The following PCCA variants were observed in gnomAD, a reference collection of about 807,000 sequenced individuals.
The protein encoded by PCCA is propionyl-CoA carboxylase alpha chain, mitochondrial.
PCCA carries 74 observed loss-of-function variants against 101.3 expected under a neutral mutation model. The observed-to-expected ratio is 0.73, with a 90% CI of 0.61 to 0.89. PCCA has a LOEUF of 0.89. Among genes scored for constraint, PCCA ranks in the 40% least tolerant of loss-of-function variants. PCCA has a pLI of 0.00. For missense variants in PCCA, 891 were observed against 907.0 expected, an observed-to-expected ratio of 0.98 and a Z score of 0.23; for synonymous variants, 294 against 313.6, an observed-to-expected ratio of 0.94 and a Z score of 0.66.
chr13:100,359,715 A>G (rs1398574528), intron 18 of PCCA, among the ~76,000 whole-genome samples: 2 of 152,242 alleles, frequency 1.3e-5, no homozygotes, highest in African/African-American at 4.8e-5. Flanking sequence ...CTGCCATACA[A>G]TGAATAAAAC....
intron 12 of PCCA, among the ~76,000 whole-genome samples, chr13:100,289,340 G>A (rs977596456): frequency 2.0e-5 from 3 of 151,834 alleles, no homozygotes; most frequent in Non-Finnish European, 2.9e-5. Flanking sequence ...GTATAGATGG[G>A]GTCTCAACAT....
At chr13:100,494,309 C>G (rs2152983797) in intron 21 of PCCA, among the ~76,000 whole-genome samples, 1 of 152,310 alleles carries the variant, frequency 6.6e-6, no homozygotes, top group Non-Finnish European at 1.5e-5. Flanking sequence ...AGAACATTGT[C>G]CCTTGTGGGA....
At chr13:100,520,227 A>G (rs1018827117) in intron 22 of PCCA, among the ~76,000 whole-genome samples, 5 of 152,250 alleles carry the variant, frequency 3.3e-5, no homozygotes, top group Non-Finnish European at 5.9e-5. Context: ...GACATTACAT[A>G]TAACATGAAC....
chr13:100,298,311 C>G (rs1317369901), intron 12 of PCCA, among the ~76,000 whole-genome samples: 3 of 152,144 alleles, frequency 2.0e-5, no homozygotes, highest in African/African-American at 7.2e-5. Context: ...AGGCCCTTCT[C>G]TAGGAGAGTC....
chr13:100,167,220 A>AT (rs1054210025), intron 6 of PCCA, among the ~76,000 whole-genome samples: 8 of 151,444 alleles, frequency 5.3e-5, no homozygotes, highest in South Asian at 2.1e-4. Context: ...CAGGTTATTA[A>AT]TTTTTTTTTC....
intron 20 of PCCA, among the ~76,000 whole-genome samples, chr13:100,430,588 C>T (rs1037260843): frequency 6.6e-6 from 1 of 152,202 alleles, no homozygotes; most frequent in African/African-American, 2.4e-5. Context: ...TACTTCCATA[C>T]ATCATATTAA....
intron 6 of PCCA, among the ~76,000 whole-genome samples, chr13:100,197,779 C>T (rs569176535): frequency 1.3e-5 from 2 of 152,146 alleles, no homozygotes; most frequent in South Asian, 4.1e-4. Context: ...TAAAAACCAA[C>T]TGCCAAAGTA....
At chr13:100,364,366 T>C (rs1443570267) in intron 18 of PCCA, among the ~76,000 whole-genome samples, 1 of 152,254 alleles carries the variant, frequency 6.6e-6, no homozygotes, top group Non-Finnish European at 1.5e-5. Context: ...TTGTAGGTAA[T>C]TGTTACTATC....
chr13:100,489,544 A>G (rs2084724314), intron 21 of PCCA, among the ~76,000 whole-genome samples: 1 of 152,266 alleles, frequency 6.6e-6, no homozygotes, highest in African/African-American at 2.4e-5. Context: ...GCATGAATAC[A>G]TGCAATTGAA....
At chr13:100,424,332 C>T (rs997642003) in intron 19 of PCCA, among the ~76,000 whole-genome samples, 3 of 152,056 alleles carry the variant, frequency 2.0e-5, no homozygotes, top group South Asian at 2.1e-4. Context: ...TCCTGGAACC[C>T]GCCTCCCATG....
At chr13:100,150,607 G>T in intron 4 of PCCA, 1 of 1,203,470 alleles carries the variant, frequency 8.3e-7, no homozygotes, top group Non-Finnish European at 1.2e-6. Context: ...GCAGATGTCA[G>T]CCCACACATC....
At chr13:100,208,510 A>T (rs1180834865) in intron 6 of PCCA, among the ~76,000 whole-genome samples, 1 of 152,114 alleles carries the variant, frequency 6.6e-6, no homozygotes, top group Admixed American at 6.5e-5. Flanking sequence ...ATTTACCTTC[A>T]GTTCTTTATG....
Position 100,232,386 on chromosome 13 carries a change from GT to G in PCCA, c.601-3455del, listed in dbSNP as rs1259541947. 2.4e-3 allele frequency among the ~76,000 whole-genome samples: 363 copies of G among 150,818 alleles called. 8 individuals are homozygous for G. The South Asian group carries it at 0.027, about 11-fold the overall frequency. ...TGTGTGTGTGTGTGTGTGTGTGTGT[GT>G]GTGTGGTTTTAGAGACGGAGTCTCA... On this transcript the variant is annotated intron_variant, in intron 7 of 23. Coordinates refer to ENST00000376285, the MANE Select transcript of PCCA (RefSeq NM_000282.4).
rs2062611307 is a variant in PCCA, at chr13:100,262,727, A to G, written c.717-2A>G. On this transcript the variant is annotated splice_acceptor_variant, in intron 9 of 23. Transcript: ENST00000376285. LOFTEE classifies it high-confidence loss of function. ...CCTCCTTCTTCCTTCTTTTTTTCACAGGGATGGTTTTAGATTGTCATCTCA... is the reference window on the plus strand; with the variant it reads ...CCTCCTTCTTCCTTCTTTTTTTCACGGGGATGGTTTTAGATTGTCATCTCA... 1 of 1,446,798 alleles carries G rather than the reference A, an allele frequency of 6.9e-7. No individual in the cohort carries two copies. Among genetic ancestry groups the G allele is most frequent in the Non-Finnish European group, 9.5e-7 (1 of 1,055,172 alleles). The allele number at this position is 1,446,798 out of a possible 1,614,324, so 89.6% of individuals were successfully genotyped here.
At chr13:100,205,607 AG>A (rs2058804517) in intron 6 of PCCA, among the ~76,000 whole-genome samples, 2 of 149,544 alleles carry the variant, frequency 1.3e-5, no homozygotes, top group African/African-American at 5.0e-5. Flanking sequence ...AGAATGCACA[AG>A]AAAAATCTGG....
At chr13:100,142,475 CTTTT>C (rs772422421) in intron 4 of PCCA, among the ~76,000 whole-genome samples, 2 of 136,304 alleles carry the variant, frequency 1.5e-5, no homozygotes. Flanking sequence ...AATGAGCCTT[CTTTT>C]TTTTTTTTTT....
At chr13:100,424,565 C>A (rs2079020082) in intron 19 of PCCA, among the ~76,000 whole-genome samples, 1 of 152,188 alleles carries the variant, frequency 6.6e-6, no homozygotes, top group Admixed American at 6.5e-5. Context: ...TGCAAGCCTG[C>A]AGCCTCCCCT....
intron 18 of PCCA, among the ~76,000 whole-genome samples, chr13:100,340,631 A>G (rs1300912033): frequency 1.3e-5 from 2 of 152,230 alleles, no homozygotes; most frequent in African/African-American, 4.8e-5. Flanking sequence ...TTAAAAAAAT[A>G]TATATCAGAA....
chr13:100,306,182 G>A (rs1394744854), intron 14 of PCCA, among the ~76,000 whole-genome samples: 1 of 152,180 alleles, frequency 6.6e-6, no homozygotes, highest in East Asian at 1.9e-4. Context: ...CTGCCTTGCT[G>A]CAGACAGATG....
Sources: gnomAD v4.1 joint callset for allele counts (sites outside exome capture counted in the v4.1 genomes callset) on GRCh38, gnomAD v4.1.1 for gene constraint, MANE v1.5 for transcripts, NCBI Gene and HGNC (gene_info 2026-07-23, HGNC 2026-07-21) for gene names.